The following KCNH5 variants were observed in gnomAD, a reference collection of about 807,000 sequenced individuals.
KCNH5 encodes potassium voltage-gated channel subfamily H member 5.
In KCNH5, 46 loss-of-function variants were observed where a neutral mutation model predicts 96.1. The observed-to-expected ratio is 0.48, with a 90% CI of 0.38 to 0.61. The LOEUF (loss-of-function observed/expected upper bound fraction) is 0.61. Ranked by LOEUF, KCNH5 falls within the 20% of genes least tolerant of loss-of-function variation. The pLI, the probability that KCNH5 is intolerant of heterozygous loss-of-function variation, is 0.00. For synonymous variants in KCNH5, 439 were observed against 449.8 expected (o/e 0.98, Z 0.30); for missense variants, 907 against 1,225.8 (o/e 0.74, Z 3.88).
In KCNH5 at chr14:62,874,899, T is replaced by C. The variant is rs1254196386; in HGVS notation, c.1370-25047A>G. On this transcript the variant is annotated intron_variant, in intron 7 of 10. Coordinates refer to ENST00000322893, the MANE Select transcript of KCNH5 (RefSeq NM_139318.5). ...TCAATTAGGAAAAGAGGAAGTCAAA[T>C]TGTCCCTGTTTGCAGACGACATCAT... 4.2e-5 allele frequency among the ~76,000 whole-genome samples: 6 copies of C among 143,746 alleles called. No homozygotes were observed. In the South Asian group the frequency reaches 1.4e-3, roughly 34 times the overall value. 94.3% of individuals were successfully genotyped at this position (143,746 alleles called of 152,430 possible).
intron 2 of KCNH5, among the ~76,000 whole-genome samples, chr14:63,013,906 T>G (rs114001342): frequency 0.014 from 2,142 of 152,228 alleles, 55 homozygotes; most frequent in African/African-American, 0.049. Flanking sequence ...AAAATGGATA[T>G]AGTTTAATTT....
chr14:62,826,461 T>G (rs1199683975), intron 8 of KCNH5, among the ~76,000 whole-genome samples: 1 of 150,880 alleles, frequency 6.6e-6, no homozygotes, highest in Non-Finnish European at 1.5e-5. Context: ...TTCAAGGATT[T>G]TCCTTTGTAA....
chr14:62,726,611 GA>G (rs201993660), intron 10 of KCNH5, among the ~76,000 whole-genome samples: 5,928 of 144,382 alleles, frequency 0.041, 224 homozygotes, highest in African/African-American at 0.1. Flanking sequence ...TGGCTAAAAT[GA>G]AAAAAAAAAA....
At chr14:62,795,262 A>C (rs1164161563) in intron 9 of KCNH5, among the ~76,000 whole-genome samples, 1 of 152,160 alleles carries the variant, frequency 6.6e-6, no homozygotes, top group Non-Finnish European at 1.5e-5. Flanking sequence ...GGTACCCAGA[A>C]CTGAAACAAT....
At position 62,708,082 on chromosome 14, in the gene KCNH5, T is replaced by C; in HGVS notation, c.2393A>G (p.Asn798Ser). 1.2e-6 allele frequency: 2 copies of C among 1,614,236 alleles called. No homozygotes were observed. Among genetic ancestry groups the C allele is most frequent in the Non-Finnish European group, 8.5e-7 (1 of 1,180,042 alleles). The change falls in exon 11 of 11, where the codon AAC becomes AGC. Residue 798 changes from asparagine to serine, a missense_variant. Physicochemically the swap from Asn to Ser is conservative, Grantham distance 46 (BLOSUM62 1). Around this residue, in one of 6 missense-constraint regions of KCNH5, gnomAD observed 362 missense variants for 394.4 expected, o/e 0.92. Coordinates refer to ENST00000322893, the MANE Select transcript of KCNH5 (RefSeq NM_139318.5). ...GGADQKCLKV[N>S]SPIRMKNGNG... ...TCCATTCTTCATTCTTATTGGGCTGTTGACTTTGAGACATTTTTGGTCAGC... is the reference window on the plus strand; with the variant it reads ...TCCATTCTTCATTCTTATTGGGCTGCTGACTTTGAGACATTTTTGGTCAGC...
intron 9 of KCNH5, among the ~76,000 whole-genome samples, chr14:62,782,670 G>T (rs1467663906): frequency 6.6e-6 from 1 of 152,100 alleles, no homozygotes; most frequent in East Asian, 1.9e-4. Context: ...AATTAGCCGG[G>T]CGTGGTGGTG....
intron 7 of KCNH5, among the ~76,000 whole-genome samples, chr14:62,913,823 C>A (rs984600038): frequency 2.0e-5 from 3 of 152,106 alleles, no homozygotes; most frequent in South Asian, 2.1e-4. Context: ...CAGTAATACA[C>A]CCCTGAAGCT....
At chr14:62,750,989 G>C (rs1372442123) in intron 10 of KCNH5, among the ~76,000 whole-genome samples, 1 of 151,860 alleles carries the variant, frequency 6.6e-6, no homozygotes, top group African/African-American at 2.4e-5. Context: ...GAGTAAACTT[G>C]CTCCATAACT....
At chr14:62,833,152 G>T (rs1447604613) in intron 8 of KCNH5, among the ~76,000 whole-genome samples, 1 of 148,026 alleles carries the variant, frequency 6.8e-6, no homozygotes, top group Non-Finnish European at 1.5e-5. Context: ...TGTTTTTTTT[G>T]GTCCCCTCAC....
intron 7 of KCNH5, among the ~76,000 whole-genome samples, chr14:62,873,682 CCTAT>C (rs1180430797): frequency 2.0e-5 from 3 of 152,014 alleles, no homozygotes; most frequent in African/African-American, 7.3e-5. Context: ...AATACAATTC[CCTAT>C]CTGTTTATTA....
At chr14:62,887,767 AC>A (rs1318978660) in intron 7 of KCNH5, among the ~76,000 whole-genome samples, 2 of 151,900 alleles carry the variant, frequency 1.3e-5, no homozygotes, top group African/African-American at 4.8e-5. Context: ...GTTTGCCCAT[AC>A]CCTGAAATTA....
intron 10 of KCNH5, among the ~76,000 whole-genome samples, chr14:62,716,262 T>C (rs1379119879): frequency 6.6e-6 from 1 of 152,234 alleles, no homozygotes; most frequent in African/African-American, 2.4e-5. Context: ...ATTCACTGTA[T>C]CAAACATTGC....
At chr14:62,820,277 T>C (rs1887088190) in intron 8 of KCNH5, among the ~76,000 whole-genome samples, 1 of 152,146 alleles carries the variant, frequency 6.6e-6, no homozygotes, top group Non-Finnish European at 1.5e-5. Flanking sequence ...TTGTGAAACC[T>C]CTATCTTCAT....
chr14:63,041,197 T>C (rs1332708396), intron 1 of KCNH5, among the ~76,000 whole-genome samples: 3 of 152,100 alleles, frequency 2.0e-5, no homozygotes, highest in African/African-American at 7.2e-5. Context: ...AGGTTGAAGG[T>C]CTTTGAAATA....
At chr14:62,842,474 TAGTTA>T (rs1385736144) in intron 8 of KCNH5, among the ~76,000 whole-genome samples, 3 of 152,240 alleles carry the variant, frequency 2.0e-5, no homozygotes, top group Non-Finnish European at 4.4e-5. Context: ...GATGTAACAA[TAGTTA>T]AGTTCTCTGA....
chr14:62,836,485 T>C (rs888181638), intron 8 of KCNH5, among the ~76,000 whole-genome samples: 2 of 152,046 alleles, frequency 1.3e-5, no homozygotes, highest in Non-Finnish European at 1.5e-5. Context: ...TCAGAGTACT[T>C]GCAAAGTAGT....
At chr14:63,036,815 C>A (rs546102382) in intron 1 of KCNH5, among the ~76,000 whole-genome samples, 1 of 152,052 alleles carries the variant, frequency 6.6e-6, no homozygotes, top group South Asian at 2.1e-4. Context: ...GGCAGCAGGG[C>A]TTGTAAGCTC....
intron 8 of KCNH5, 128 bp downstream of exon 8, chr14:62,849,525 T>C (rs1887762765): frequency 2.8e-6 from 2 of 704,086 alleles, no homozygotes; most frequent in African/African-American, 1.8e-5. Flanking sequence ...GATTGACTGA[T>C]ATGTCACTTA....
At chr14:63,010,492 T>C (rs553082383) in intron 2 of KCNH5, among the ~76,000 whole-genome samples, 40 of 152,310 alleles carry the variant, frequency 2.6e-4, no homozygotes, top group African/African-American at 9.4e-4. Context: ...GTGAATCTTC[T>C]TTCTTCACAA....
Sources: allele counts gnomAD v4.1 joint callset (sites outside exome capture counted in the v4.1 genomes callset), GRCh38; gene constraint gnomAD v4.1.1; regional missense constraint gnomAD v4.1.1; transcripts MANE v1.5; gene names NCBI Gene and HGNC (gene_info 2026-07-23, HGNC 2026-07-21).